AEBP2: variants seen among roughly 807,000 people sequenced by gnomAD.
The protein encoded by AEBP2 is AE binding protein 2.
In AEBP2, 10 loss-of-function variants were observed where a neutral mutation model predicts 50.8. The observed-to-expected ratio is 0.20, with a 90% CI of 0.12 to 0.33. AEBP2 has a LOEUF of 0.33. Among genes scored for constraint, AEBP2 ranks in the 10% least tolerant of loss-of-function variants. The probability of loss-of-function intolerance (pLI) is 1.00; values close to 1 mark genes in which losing one functional copy is unlikely to be tolerated. For missense variants in AEBP2, 570 were observed against 688.0 expected, an observed-to-expected ratio of 0.83 and a Z score of 1.92; for synonymous variants, 296 against 261.3, an observed-to-expected ratio of 1.13 and a Z score of -1.28.
rs552679283 is a variant in AEBP2, at chr12:19,410,100, A to G, written c.-17+5884A>G. ...CAGAACATGTAGGGCTTCTCTCTCAAGAAATTAGACCCTCTCTCACTCTAA... is the reference window on the plus strand; with the variant it reads ...CAGAACATGTAGGGCTTCTCTCTCAGGAAATTAGACCCTCTCTCACTCTAA... On this transcript the variant is annotated intron_variant, in intron 1 of 3. Coordinates refer to the AEBP2 transcript ENST00000538425. Among the ~76,000 whole-genome samples the G allele has an allele frequency of 1.4e-4, 21 of 152,298 alleles. No individual in the cohort carries two copies. The East Asian group carries it at 3.1e-3, about 22-fold the overall frequency.
chr12:19,417,030 C>T (rs1366879896), intron 1 of AEBP2, among the ~76,000 whole-genome samples: 3 of 151,850 alleles, frequency 2.0e-5, no homozygotes, highest in Non-Finnish European at 4.4e-5. Flanking sequence ...TGCCACCATG[C>T]GTGACTAATT....
At chr12:19,482,479 T>G (rs1362123238) in intron 3 of AEBP2, among the ~76,000 whole-genome samples, 1 of 152,244 alleles carries the variant, frequency 6.6e-6, no homozygotes, top group Admixed American at 6.5e-5. Context: ...TGTTTTCCGC[T>G]TCCTGGGATC....
chr12:19,480,763 C>T (rs1214067156), intron 3 of AEBP2, among the ~76,000 whole-genome samples: 1 of 152,156 alleles, frequency 6.6e-6, no homozygotes, highest in African/African-American at 2.4e-5. Flanking sequence ...GACTGTGTGC[C>T]TAGGTGATAA....
chr12:19,473,645 AT>A (rs1948604936), intron 3 of AEBP2, among the ~76,000 whole-genome samples: 2 of 152,094 alleles, frequency 1.3e-5, no homozygotes, highest in African/African-American at 2.4e-5. Context: ...ACCTCAGGTG[AT>A]TCTCCCGCCT....
intron 7 of AEBP2, 52 bp downstream of exon 7, chr12:19,514,836 C>A (rs1454360484): frequency 2.8e-6 from 4 of 1,416,228 alleles, no homozygotes; most frequent in African/African-American, 1.4e-5. Context: ...AATTTTCTCT[C>A]CCCAAATTTT....
intron 6 of AEBP2, among the ~76,000 whole-genome samples, chr12:19,513,275 C>CT (rs1165023931): frequency 6.6e-6 from 1 of 151,970 alleles, no homozygotes; most frequent in Non-Finnish European, 1.5e-5. Context: ...TTACATTTTT[C>CT]TTTAAGTTTT....
At chr12:19,455,490 C>T (rs1948252855) in intron 1 of AEBP2, among the ~76,000 whole-genome samples, 1 of 152,094 alleles carries the variant, frequency 6.6e-6, no homozygotes, top group East Asian at 1.9e-4. Flanking sequence ...GTATTGCTTC[C>T]TATGCTCATG....
rs1469389505 is a variant in AEBP2 at position 19,439,574 on chromosome 12, G to C, written c.-126G>C. 7.9e-7 allele frequency: 1 copy of C among 1,263,432 alleles called. No homozygotes were observed. 78.3% of individuals were successfully genotyped at this position (1,263,432 alleles called of 1,614,324 possible). Reference sequence around the variant, plus strand: ...GTGTGCAGGCTGACGCAGCTCGCGGGCCCTCCTCCTGCTCTGCAGCGGCGT... The same window carrying C: ...GTGTGCAGGCTGACGCAGCTCGCGGCCCCTCCTCCTGCTCTGCAGCGGCGT... On this transcript the variant is annotated 5_prime_UTR_variant, in exon 1 of 8. Coordinates refer to ENST00000266508, the MANE Select transcript of AEBP2 (RefSeq NM_153207.5).
intron 1 of AEBP2, among the ~76,000 whole-genome samples, chr12:19,406,264 C>T (rs1438923053): frequency 6.6e-6 from 1 of 152,132 alleles, no homozygotes; most frequent in Non-Finnish European, 1.5e-5. Context: ...CACACCCAGC[C>T]TACATTGATA....
At chr12:19,517,971 T>G in intron 7 of AEBP2, 116 bp from the exon 8 acceptor site, 1 of 948,996 alleles carries the variant, frequency 1.1e-6, no homozygotes, top group Non-Finnish European at 1.5e-6. Flanking sequence ...TACATTTTTA[T>G]TATAATCTAT....
intron 1 of AEBP2, among the ~76,000 whole-genome samples, chr12:19,420,771 G>T (rs1355549193): frequency 6.6e-6 from 1 of 151,862 alleles, no homozygotes; most frequent in African/African-American, 2.4e-5. Context: ...CCTCTTGATT[G>T]ACCTTCCTGG....
intron 7 of AEBP2, 37 bp from the exon 8 acceptor site, chr12:19,518,050 C>T (rs1949345803): frequency 6.4e-7 from 1 of 1,568,568 alleles, no homozygotes; most frequent in Non-Finnish European, 8.7e-7. Flanking sequence ...GTGTTTGATT[C>T]AGTTGAATAA....
intron 1 of AEBP2, among the ~76,000 whole-genome samples, chr12:19,431,050 A>G (rs909696340): frequency 1.3e-5 from 2 of 151,930 alleles, no homozygotes; most frequent in African/African-American, 4.8e-5. Context: ...AGGATTATTT[A>G]AGGTAGTTTA....
chr12:19,473,305 A>T lies in AEBP2; in HGVS notation c.937A>T (p.Ser313Cys). ...KVYNTPSTSQSWLQRHMLTHS... is the reference protein window; with the variant it reads ...KVYNTPSTSQCWLQRHMLTHS... ...ATATAACACTCCATCTACCAGTCAA[A>T]GTTGGTTACAAAGGCATATGCTGAC... The change falls in exon 3 of 8, where the codon AGT becomes TGT. Residue 313 changes from serine (S) to cysteine (C), a missense_variant. This residue lies in a region of AEBP2 where 184 missense variants were observed against 351.2 expected (regional missense o/e 0.52). Transcript: ENST00000266508. 6.4e-7 allele frequency: 1 copy of T among 1,553,800 alleles called. No homozygotes were observed. The highest frequency in any genetic ancestry group is 2.5e-5 in the East Asian group (1 of 40,314).
chr12:19,460,543 G>A (rs903292639), intron 1 of AEBP2, among the ~76,000 whole-genome samples: 1 of 151,918 alleles, frequency 6.6e-6, no homozygotes, highest in African/African-American at 2.4e-5. Context: ...TAGTAGAGAT[G>A]TGGTTTCACC....
chr12:19,421,359 A>AG (rs1396213325), intron 1 of AEBP2, among the ~76,000 whole-genome samples: 12 of 151,142 alleles, frequency 7.9e-5, no homozygotes, highest in South Asian at 2.1e-4. Context: ...AAAAAAAAAA[A>AG]AAAAAAAGAA....
At chr12:19,510,034 T>C (rs1949212063) in intron 5 of AEBP2, among the ~76,000 whole-genome samples, 1 of 152,098 alleles carries the variant, frequency 6.6e-6, no homozygotes, top group South Asian at 2.1e-4. Flanking sequence ...GGTTTCACCA[T>C]GTTGGCCAGG....
intron 2 of AEBP2, among the ~76,000 whole-genome samples, chr12:19,467,837 A>G (rs888323810): frequency 3.3e-5 from 5 of 152,092 alleles, no homozygotes; most frequent in African/African-American, 9.7e-5. Flanking sequence ...TTTCTGTGTC[A>G]TTTGAGGTTT....
intron 1 of AEBP2, among the ~76,000 whole-genome samples, chr12:19,443,335 G>A (rs1947998059): frequency 6.6e-6 from 1 of 151,360 alleles, no homozygotes; most frequent in Non-Finnish European, 1.5e-5. Flanking sequence ...GACCTCAAAT[G>A]ATCCTCCCAC....
Sources: allele counts gnomAD v4.1 joint callset (sites outside exome capture counted in the v4.1 genomes callset), GRCh38; gene constraint gnomAD v4.1.1; regional missense constraint gnomAD v4.1.1; transcripts MANE v1.5; gene names NCBI Gene and HGNC (gene_info 2026-07-23, HGNC 2026-07-21).